The following MALRD1 variants were observed in gnomAD, a reference collection of about 807,000 sequenced individuals.
MALRD1 encodes the protein MAM and LDL receptor class A domain containing 1.
Under a neutral mutation model 242.1 loss-of-function variants are expected in MALRD1, and 247 were observed. The observed-to-expected ratio is 1.02, with a 90% CI of 0.92 to 1.13. The LOEUF is 1.13. Ranked by LOEUF, MALRD1 falls within the 50% of genes most tolerant of loss-of-function variation. The pLI is 0.00. For synonymous variants in MALRD1, 995 were observed against 866.6 expected (o/e 1.15, Z -2.60); for missense variants, 2,989 against 2,533.1 (o/e 1.18, Z -3.86).
intron 29 of MALRD1, among the ~76,000 whole-genome samples, chr10:19,452,374 G>T (rs1835379663): frequency 1.3e-5 from 2 of 152,096 alleles, no homozygotes; most frequent in Admixed American, 1.3e-4. Flanking sequence ...GCCAACACTT[G>T]GCTTACTAAG....
chr10:19,232,149 G>C (rs1303232757), intron 18 of MALRD1, among the ~76,000 whole-genome samples: 1 of 151,836 alleles, frequency 6.6e-6, no homozygotes, highest in East Asian at 1.9e-4. Context: ...AAAAAAATGA[G>C]TAGTAGAAGC....
intron 31 of MALRD1, among the ~76,000 whole-genome samples, chr10:19,511,501 A>T (rs1833399199): frequency 6.6e-6 from 1 of 152,230 alleles, no homozygotes; most frequent in African/African-American, 2.4e-5. Flanking sequence ...TGTCTACAAA[A>T]TGCCAAACTA....
At chr10:19,516,582 A>AT (rs972409277) in intron 31 of MALRD1, among the ~76,000 whole-genome samples, 6 of 151,910 alleles carry the variant, frequency 3.9e-5, no homozygotes, top group Non-Finnish European at 5.9e-5. Context: ...AACTTTTAAG[A>AT]TTTTTTCATT....
intron 2 of MALRD1, 48 bp from the exon 3 acceptor site, chr10:19,087,792 T>A: frequency 1.0e-6 from 1 of 963,870 alleles, no homozygotes. Context: ...GTAGGTCTTA[T>A]TCATTCTTTC....
At chr10:19,520,194 G>T (rs568769868) in intron 31 of MALRD1, among the ~76,000 whole-genome samples, 1 of 151,994 alleles carries the variant, frequency 6.6e-6, no homozygotes, top group Non-Finnish European at 1.5e-5. Flanking sequence ...AAACTCGTGT[G>T]TATCTAAAGC....
At chr10:19,228,549 T>C (rs1398681013) in intron 18 of MALRD1, among the ~76,000 whole-genome samples, 1 of 152,228 alleles carries the variant, frequency 6.6e-6, no homozygotes, top group African/African-American at 2.4e-5. Context: ...TACATTATAC[T>C]TAAATGGAGC....
intron 34 of MALRD1, among the ~76,000 whole-genome samples, chr10:19,600,226 T>C (rs1484762190): frequency 2.6e-5 from 4 of 152,164 alleles, no homozygotes; most frequent in Non-Finnish European, 5.9e-5. Flanking sequence ...CATCCGATAG[T>C]GATTTTGAAC....
intron 33 of MALRD1, among the ~76,000 whole-genome samples, chr10:19,578,846 G>A (rs941773118): frequency 2.0e-5 from 3 of 151,928 alleles, no homozygotes; most frequent in South Asian, 2.1e-4. Flanking sequence ...GCGCCCTGTC[G>A]GTTTCCATAT....
At chr10:19,171,004 TATTC>T (rs1170123270) in intron 13 of MALRD1, among the ~76,000 whole-genome samples, 2 of 152,124 alleles carry the variant, frequency 1.3e-5, no homozygotes, top group Admixed American at 1.3e-4. Flanking sequence ...CTTGGATTCA[TATTC>T]ATTTTTTGCT....
chr10:19,245,389 A>G (rs1025354506), intron 18 of MALRD1, among the ~76,000 whole-genome samples: 1 of 152,178 alleles, frequency 6.6e-6, no homozygotes, highest in East Asian at 1.9e-4. Context: ...TAGGGAAAAC[A>G]TAGCAAAAAT....
At chr10:19,145,672 A>G (rs1833704118) in intron 10 of MALRD1, among the ~76,000 whole-genome samples, 1 of 148,452 alleles carries the variant, frequency 6.7e-6, no homozygotes, top group East Asian at 1.9e-4. Flanking sequence ...AAAAAAAAAG[A>G]CAAAAGATAA....
chr10:19,436,870 A>G lies in MALRD1; in HGVS notation c.4846-13437A>G, dbSNP rs1159228701. Among the ~76,000 whole-genome samples, 3 of 152,190 alleles carry G rather than the reference A, an allele frequency of 2.0e-5. No individual in the cohort carries two copies. In the East Asian group the frequency reaches 5.8e-4, roughly 29 times the overall value. ...CTTGAGCTTAGCATTACAGTATTAT[A>G]CAGAAAAGTGTCACTGCTCTAAAGA... is the stretch of plus-strand genomic sequence containing the variant. On this transcript the variant is annotated intron_variant, in intron 28 of 39. Transcript: ENST00000454679.
intron 1 of MALRD1, among the ~76,000 whole-genome samples, chr10:19,059,720 G>A (rs1424876093): frequency 6.6e-6 from 1 of 151,866 alleles, no homozygotes; most frequent in Admixed American, 6.6e-5. Flanking sequence ...TTATAATGAA[G>A]ATAAAATTAT....
At chr10:19,209,967 G>C (rs1344490501) in intron 18 of MALRD1, among the ~76,000 whole-genome samples, 3 of 152,088 alleles carry the variant, frequency 2.0e-5, no homozygotes, top group South Asian at 4.1e-4. Context: ...TGAACAACCT[G>C]GAAGTGGAGG....
chr10:19,117,044 G>A (rs1159291655), intron 5 of MALRD1, among the ~76,000 whole-genome samples: 1 of 150,392 alleles, frequency 6.6e-6, no homozygotes, highest in African/African-American at 2.4e-5. Context: ...GCAGTGAGCC[G>A]AGATTGTGCC....
chr10:19,110,783 T>C (rs1010514766), intron 5 of MALRD1, among the ~76,000 whole-genome samples: 1 of 152,138 alleles, frequency 6.6e-6, no homozygotes. Context: ...CTCAATTTTA[T>C]AGTTTCTGCA....
chr10:19,722,910 A>G (rs1043659526), intron 38 of MALRD1, among the ~76,000 whole-genome samples: 1 of 152,206 alleles, frequency 6.6e-6, no homozygotes, highest in Admixed American at 6.5e-5. Context: ...TAGAGGTAGG[A>G]GCCATATACT....
At chr10:19,641,195 A>G (rs1435188751) in intron 36 of MALRD1, among the ~76,000 whole-genome samples, 1 of 152,196 alleles carries the variant, frequency 6.6e-6, no homozygotes, top group African/African-American at 2.4e-5. Context: ...ACAAACAGCT[A>G]GATACATAGT....
intron 30 of MALRD1, among the ~76,000 whole-genome samples, chr10:19,494,224 G>A (rs544541672): frequency 3.4e-4 from 52 of 152,304 alleles, no homozygotes; most frequent in Non-Finnish European, 7.2e-4. Context: ...AGCTACAAAT[G>A]AAGACCCTGA....
Sources: gnomAD v4.1 joint callset for allele counts (sites outside exome capture counted in the v4.1 genomes callset) on GRCh38, gnomAD v4.1.1 for gene constraint, MANE v1.5 for transcripts, NCBI Gene and HGNC (gene_info 2026-07-23, HGNC 2026-07-21) for gene names.